JCAD: variants seen among roughly 807,000 people sequenced by gnomAD.
JCAD encodes the protein junctional cadherin 5 associated, also known as junctional cadherin 5-associated protein.
JCAD carries 40 observed loss-of-function variants against 98.0 expected under a neutral mutation model. That is an observed-to-expected ratio of 0.41 (90% CI 0.32 to 0.53). The LOEUF (loss-of-function observed/expected upper bound fraction) is 0.53. Among genes scored for constraint, JCAD ranks in the 20% least tolerant of loss-of-function variants. The pLI is 0.31. For synonymous variants in JCAD, 691 were observed against 682.3 expected, an observed-to-expected ratio of 1.01 and a Z score of -0.20; for missense variants, 1,705 against 1,738.1, an observed-to-expected ratio of 0.98 and a Z score of 0.34.
At chr10:30,031,554 G>C (rs1287884288) in intron 2 of JCAD, among the ~76,000 whole-genome samples, 1 of 147,608 alleles carries the variant, frequency 6.8e-6, no homozygotes, top group East Asian at 2.0e-4. Context: ...CAATTCTTGT[G>C]CCTCAGCCTC....
intron 1 of JCAD, among the ~76,000 whole-genome samples, chr10:30,048,764 C>T (rs1276544223): frequency 5.3e-5 from 8 of 152,090 alleles, no homozygotes; most frequent in Admixed American, 5.2e-4. Flanking sequence ...GACAGGGTTT[C>T]ACCATGTTGG....
Position 30,017,893 on chromosome 10 carries a change from T to A in JCAD, c.4070A>T (p.Glu1357Val). 4 of 1,612,802 alleles carry A rather than the reference T, an allele frequency of 2.5e-6. No homozygotes were observed. Among genetic ancestry groups the A allele is most frequent in the Non-Finnish European group, 3.4e-6 (4 of 1,178,960 alleles). ...CPDSYDPSRVERV is the reference protein window; with the variant it reads ...CPDSYDPSRVVRV ...TCCACCGGCATTTCATCACACCCTC[T>A]CCACTCTGCTAGGGTCATAGGAATC... The change falls in exon 4 of 4, where the codon GAG (glutamate) becomes GTG (valine). Residue 1357 changes from glutamate to valine, a missense_variant. By Grantham distance (121) the Glu-to-Val change is moderately radical (BLOSUM62 -2). Coordinates refer to ENST00000375377, the MANE Select transcript of JCAD (RefSeq NM_020848.4).
At chr10:30,021,345 T>C (rs917144875) in intron 3 of JCAD, among the ~76,000 whole-genome samples, 3 of 152,296 alleles carry the variant, frequency 2.0e-5, no homozygotes, top group Admixed American at 6.5e-5. Flanking sequence ...ACTACAGACA[T>C]GCACTACCAA....
At chr10:30,053,866 C>G (rs1365747750) in intron 1 of JCAD, among the ~76,000 whole-genome samples, 1 of 152,020 alleles carries the variant, frequency 6.6e-6, no homozygotes, top group African/African-American at 2.4e-5. Flanking sequence ...AGTTCAAGAC[C>G]AGTCTGACCA....
chr10:30,104,722 A>G (rs1353101006), intron 1 of JCAD, among the ~76,000 whole-genome samples: 5 of 152,238 alleles, frequency 3.3e-5, no homozygotes, highest in African/African-American at 1.2e-4. Context: ...CTGAATCTAA[A>G]ATAAAAAAAG....
chr10:30,038,754 G>T (rs1837176329), intron 2 of JCAD, among the ~76,000 whole-genome samples: 1 of 150,942 alleles, frequency 6.6e-6, no homozygotes. Context: ...AGAGAAGAGA[G>T]AAGCAGGATG....
intron 2 of JCAD, among the ~76,000 whole-genome samples, chr10:30,038,742 A>C (rs1339007213): frequency 2.6e-5 from 4 of 151,758 alleles, no homozygotes; most frequent in Non-Finnish European, 5.9e-5. Context: ...GAAAGAGAGA[A>C]GAGAGAAGAG....
rs1430685039 is a variant in JCAD, at chr10:30,029,098, C to CG, written c.1049dup (p.Gln351AlafsTer46). Reference sequence around the variant, plus strand: ...CCAAGTAGGGGTTTGGGATGTTCTGCGGGGGCGATCTGTATGAGGGCGGAG... The same window carrying CG: ...CCAAGTAGGGGTTTGGGATGTTCTGCGGGGGGCGATCTGTATGAGGGCGGAG... On this transcript the variant is annotated frameshift_variant, in exon 3 of 4. Coordinates refer to ENST00000375377, the MANE Select transcript of JCAD (RefSeq NM_020848.4). LOFTEE classifies it high-confidence loss of function. 1 of 1,613,940 alleles carries CG rather than the reference C, an allele frequency of 6.2e-7. No individual in the cohort carries two copies. The highest frequency in any genetic ancestry group is 8.5e-7 in the Non-Finnish European group (1 of 1,180,020).
intron 1 of JCAD, among the ~76,000 whole-genome samples, chr10:30,088,049 T>G (rs1056408586): frequency 5.9e-5 from 9 of 152,212 alleles, no homozygotes; most frequent in Non-Finnish European, 1.5e-5. Flanking sequence ...CTGTGTTGGC[T>G]AGAATGGTCT....
At chr10:30,039,927 G>T (rs1279037821) in intron 2 of JCAD, among the ~76,000 whole-genome samples, 2 of 152,232 alleles carry the variant, frequency 1.3e-5, no homozygotes, top group African/African-American at 2.4e-5. Context: ...GAAATGAGAT[G>T]ATACATTCAG....
At chr10:30,095,301 A>C (rs1188968365) in intron 1 of JCAD, among the ~76,000 whole-genome samples, 1 of 152,042 alleles carries the variant, frequency 6.6e-6, no homozygotes, top group Non-Finnish European at 1.5e-5. Flanking sequence ...AGTTTTGTTG[A>C]TAGATATTTA....
chr10:30,041,600 G>T (rs1156549073), intron 2 of JCAD, among the ~76,000 whole-genome samples: 1 of 152,178 alleles, frequency 6.6e-6, no homozygotes, highest in Non-Finnish European at 1.5e-5. Flanking sequence ...CACCACATCA[G>T]AGACTCTCCC....
At chr10:30,041,370 C>G (rs1265010215) in intron 2 of JCAD, among the ~76,000 whole-genome samples, 1 of 152,094 alleles carries the variant, frequency 6.6e-6, no homozygotes, top group East Asian at 1.9e-4. Flanking sequence ...AAAGGCAAAT[C>G]GTGTTTGAGG....
chr10:30,057,148 GCT>G lies in JCAD; in HGVS notation c.-60+2332_-60+2333del, dbSNP rs200632833. 7.2e-3 allele frequency among the ~76,000 whole-genome samples: 1,100 copies of G among 152,222 alleles called. 16 individuals carry two copies. The highest frequency in any genetic ancestry group is 0.025 in the African/African-American group (1,032 of 41,526). Reference sequence around the variant, plus strand: ...AATAGAACAATTGTTTCACTCCAACGCTCTGTGTTCTAAACGCTCTCCAGATT... The same window carrying G: ...AATAGAACAATTGTTTCACTCCAACGCTGTGTTCTAAACGCTCTCCAGATT... On this transcript the variant is annotated intron_variant, in intron 1 of 3. Transcript: ENST00000375377.
At chr10:30,023,393 T>C (rs373153406) in intron 3 of JCAD, among the ~76,000 whole-genome samples, 48 of 152,312 alleles carry the variant, frequency 3.2e-4, no homozygotes, top group African/African-American at 1.1e-3. Context: ...TGCGTTACAA[T>C]TGCCTGCAGT....
rs748716644 is a variant in JCAD at position 30,027,329 on chromosome 10, CCTT to C, written c.2816_2818del (p.Glu939del). On this transcript the variant is annotated inframe_deletion, in exon 3 of 4. Transcript: ENST00000375377. ...TGCTGAGCAGAAAGGTGCACCGCCA[CCTT>C]CTTCCACGCGAAAGCGGCCCGGGGA... 56 of 1,613,358 alleles carry C rather than the reference CCTT, an allele frequency of 3.5e-5. No individual in the cohort carries two copies. In the Admixed American group the frequency reaches 8.7e-4, roughly 25 times the overall value.
intron 1 of JCAD, among the ~76,000 whole-genome samples, chr10:30,085,117 T>A (rs1838147042): frequency 6.6e-6 from 1 of 152,216 alleles, no homozygotes; most frequent in Non-Finnish European, 1.5e-5. Flanking sequence ...CTTTCTTGTT[T>A]TAATCTTTTG....
chr10:30,053,826 G>A (rs766497717), intron 1 of JCAD, among the ~76,000 whole-genome samples: 10 of 152,038 alleles, frequency 6.6e-5, no homozygotes, highest in Non-Finnish European at 1.0e-4. Flanking sequence ...ACTTTGCGAG[G>A]CTGAGGTGGG....
At chr10:30,099,407 C>A (rs781377226) in intron 1 of JCAD, among the ~76,000 whole-genome samples, 1 of 152,024 alleles carries the variant, frequency 6.6e-6, no homozygotes, top group Non-Finnish European at 1.5e-5. Context: ...AGTTTCTTAT[C>A]TAGTTAAATA....
Sources: allele counts gnomAD v4.1 joint callset (sites outside exome capture counted in the v4.1 genomes callset), GRCh38; gene constraint gnomAD v4.1.1; transcripts MANE v1.5; gene names NCBI Gene and HGNC (gene_info 2026-07-23, HGNC 2026-07-21).